Variants in DUS2 observed in about 807,000 individuals in gnomAD.
The protein encoded by DUS2 is dihydrouridine synthase 2, also known as tRNA-dihydrouridine(20) synthase [NAD(P)+]-like.
DUS2 carries 52 observed loss-of-function variants against 71.3 expected under a neutral mutation model. The ratio of observed to expected loss-of-function variants is 0.73; its 90% confidence interval spans 0.58 to 0.92. The LOEUF is 0.92. Among genes scored for constraint, DUS2 ranks in the 40% least tolerant of loss-of-function variants. The pLI is 0.00. For missense variants in DUS2, 558 were observed against 622.6 expected (o/e 0.90, Z 1.10); for synonymous variants, 204 against 227.8 (o/e 0.90, Z 0.94).
Position 68,078,478 on chromosome 16 carries a change from A to T in DUS2, c.1204A>T (p.Ile402Phe). ...CCCTCTAGATCGCCTGTTCTCCTCT[A>T]TTGTCACCGTTGCTGAACAAAAGTA... is the stretch of plus-strand genomic sequence containing the variant. ...QRPLDRLFSS[I>F]VTVAEQKYQS... The change falls in exon 16 of 17, where the codon ATT becomes TTT. Residue 402 changes from isoleucine to phenylalanine, a missense_variant. Transcript: ENST00000565263. The T allele has an allele frequency of 6.2e-7, 1 of 1,614,014 alleles. No individual in the cohort carries two copies.
chr16:68,040,378 C>T (rs1475389230), intron 3 of DUS2, among the ~76,000 whole-genome samples: 2 of 152,060 alleles, frequency 1.3e-5, no homozygotes, highest in Admixed American at 6.6e-5. Context: ...ACACTGCACC[C>T]GGCCTTAGGA....
chr16:68,033,459 T>G (rs1378318908), intron 2 of DUS2, among the ~76,000 whole-genome samples: 1 of 151,884 alleles, frequency 6.6e-6, no homozygotes, highest in Non-Finnish European at 1.5e-5. Flanking sequence ...GATTATTTCT[T>G]TTTAAAATTA....
chr16:68,078,890 C>A lies in DUS2; in HGVS notation c.1386C>A (p.Gly462=). 1.2e-6 allele frequency: 2 copies of A among 1,613,328 alleles called. No homozygotes were observed. Among genetic ancestry groups the A allele is most frequent in the Non-Finnish European group, 1.7e-6 (2 of 1,179,448 alleles). ...KREAPDQDPG[G]PRAQELAQPG... ...AGGCTCCTGACCAAGACCCTGGGGG[C>A]CCCAGAGCTCAGGAGCTAGCACAAC... Residue 462 remains glycine, a synonymous_variant, in exon 17 of 17, where the codon GGC becomes GGA. Coordinates refer to ENST00000565263, the MANE Select transcript of DUS2 (RefSeq NM_017803.5).
intron 3 of DUS2, 89 bp from the exon 4 acceptor site, chr16:68,049,416 A>G (rs1208403033): frequency 7.1e-7 from 1 of 1,410,710 alleles, no homozygotes; most frequent in Non-Finnish European, 1.0e-6. Flanking sequence ...CGACTGGCCA[A>G]GCGATCCTCA....
chr16:68,066,593 C>T lies in DUS2; in HGVS notation c.511C>T (p.Arg171Trp), dbSNP rs143329208. Residue 171 changes from arginine (R) to tryptophan (W), a missense_variant, in exon 10 of 17, where the codon CGG (arginine) becomes TGG (tryptophan). Transcript: ENST00000565263. Reference protein sequence around the residue: ...SLEDTLSLVKRIERTGIAAIA... With the variant: ...SLEDTLSLVKWIERTGIAAIA... Reference sequence around the variant, plus strand: ...AGAAGATACCCTGAGCCTTGTGAAGCGGATAGAGAGGACTGGCATTGCTGC... The same window carrying T: ...AGAAGATACCCTGAGCCTTGTGAAGTGGATAGAGAGGACTGGCATTGCTGC... 181 of 1,614,110 alleles carry T rather than the reference C, an allele frequency of 1.1e-4. No homozygotes were observed. Among genetic ancestry groups the T allele is most frequent in the Admixed American group, 2.8e-4 (17 of 60,012 alleles).
intron 2 of DUS2, among the ~76,000 whole-genome samples, chr16:68,027,476 T>C (rs1567467286): frequency 6.6e-6 from 1 of 152,110 alleles, no homozygotes; most frequent in South Asian, 2.1e-4. Context: ...CTCCCGACTT[T>C]AGGTAATCCG....
intron 4 of DUS2, 78 bp downstream of exon 4, chr16:68,049,628 G>A: frequency 7.3e-7 from 1 of 1,378,756 alleles, no homozygotes; most frequent in Non-Finnish European, 1.0e-6. Context: ...CTTGCCTGGG[G>A]TGACAGTGTC....
Position 68,076,660 on chromosome 16 carries a change from A to G in DUS2, c.1111A>G (p.Lys371Glu), listed in dbSNP as rs2034161457. The change falls in exon 15 of 17, where the codon AAG becomes GAG. Residue 371 changes from lysine (K) to glutamate (E), a missense_variant. Coordinates refer to ENST00000565263, the MANE Select transcript of DUS2 (RefSeq NM_017803.5). ...RRAYPAQITP[K>E]MCLLEWCRRE... is the part of the protein sequence containing the mutation. ...AGCATACCCAGCCCAGATCACCCCT[A>G]AGATGTGCCTACTAGAGTGGTGCCG... 1 of 1,613,962 alleles carries G rather than the reference A, an allele frequency of 6.2e-7. No homozygotes were observed. The highest frequency in any genetic ancestry group is 2.2e-5 in the East Asian group (1 of 44,858).
intron 2 of DUS2, among the ~76,000 whole-genome samples, chr16:68,034,395 T>G (rs930994797): frequency 3.3e-5 from 5 of 152,258 alleles, no homozygotes; most frequent in Admixed American, 1.3e-4. Context: ...TATTTTTATT[T>G]TTTGTAAAGA....
chr16:68,053,626 A>G lies in DUS2; in HGVS notation c.235A>G (p.Arg79Gly). The part of the protein sequence containing the change: ...DDRVVFRTCE[R>G]EQNRVVFQMG... ...TCGAGTTGTCTTCCGCACCTGTGAA[A>G]GAGAGCAGAACAGGGTGGTCTTCCA... Residue 79 changes from arginine to glycine, a missense_variant, in exon 5 of 17, where the codon AGA (arginine) becomes GGA (glycine). By Grantham distance (125) the Arg-to-Gly change is moderately radical (BLOSUM62 -2). Transcript: ENST00000565263. 6.2e-7 allele frequency: 1 copy of G among 1,614,242 alleles called. No individual in the cohort carries two copies. Among genetic ancestry groups the G allele is most frequent in the Non-Finnish European group, 8.5e-7 (1 of 1,180,040 alleles).
intron 3 of DUS2, among the ~76,000 whole-genome samples, chr16:68,039,504 T>C (rs1286851184): frequency 1.3e-5 from 2 of 152,086 alleles, no homozygotes; most frequent in African/African-American, 2.4e-5. Flanking sequence ...CTGCAAGCTC[T>C]GCCTCCCAGG....
chr16:68,062,474 C>G (rs539369340), intron 8 of DUS2, among the ~76,000 whole-genome samples: 12 of 151,852 alleles, frequency 7.9e-5, no homozygotes, highest in African/African-American at 2.9e-4. Flanking sequence ...AATCCCAGCA[C>G]TTTGGGAGGC....
intron 3 of DUS2, among the ~76,000 whole-genome samples, chr16:68,044,467 C>T (rs8052480): frequency 0.049 from 7,335 of 150,686 alleles, 512 homozygotes; most frequent in African/African-American, 0.16. Context: ...ATGATCTCAG[C>T]TCACTGCAAC....
At chr16:68,060,527 T>C (rs916203123) in intron 7 of DUS2, among the ~76,000 whole-genome samples, 2 of 152,194 alleles carry the variant, frequency 1.3e-5, no homozygotes, top group Non-Finnish European at 2.9e-5. Context: ...TTAGCCAGGC[T>C]GGTCTCGAAC....
chr16:68,070,683 A>G (rs2151425225), intron 11 of DUS2, among the ~76,000 whole-genome samples: 1 of 152,292 alleles, frequency 6.6e-6, no homozygotes, highest in South Asian at 2.1e-4. Context: ...CCACTGTTTT[A>G]GATTAGGGGC....
At chr16:68,047,355 C>T (rs2033718991) in intron 3 of DUS2, among the ~76,000 whole-genome samples, 2 of 152,028 alleles carry the variant, frequency 1.3e-5, no homozygotes, top group Non-Finnish European at 2.9e-5. Context: ...CGTCTGGCCT[C>T]TCTCATTCTG....
At chr16:68,055,926 A>T (rs2033845636) in intron 6 of DUS2, among the ~76,000 whole-genome samples, 2 of 151,734 alleles carry the variant, frequency 1.3e-5, no homozygotes, top group South Asian at 4.2e-4. Flanking sequence ...AATTGTTTGG[A>T]TTAAACCATC....
chr16:68,054,106 TC>T (rs2033817419), intron 5 of DUS2: 1 of 194,906 alleles, frequency 5.1e-6, no homozygotes, highest in Non-Finnish European at 1.1e-5. Flanking sequence ...TGGTGCTTTT[TC>T]AGAAACATCC....
chr16:68,076,151 C>A (rs898644175), intron 14 of DUS2, among the ~76,000 whole-genome samples: 6 of 152,268 alleles, frequency 3.9e-5, no homozygotes, highest in South Asian at 2.1e-4. Context: ...GTCACCCTGT[C>A]ACAGGCTGAC....
Sources: gnomAD v4.1 joint callset for allele counts (sites outside exome capture counted in the v4.1 genomes callset) on GRCh38, gnomAD v4.1.1 for gene constraint, MANE v1.5 for transcripts, NCBI Gene and HGNC (gene_info 2026-07-23, HGNC 2026-07-21) for gene names.